The following LRRC7 variants were observed in gnomAD, a reference collection of about 807,000 sequenced individuals.
LRRC7 encodes leucine-rich repeat-containing protein 7.
LRRC7 carries 23 observed loss-of-function variants against 175.7 expected under a neutral mutation model. That is an observed-to-expected ratio of 0.13 (90% CI 0.09 to 0.19). The LOEUF (loss-of-function observed/expected upper bound fraction) is 0.19, where lower values mean the gene tolerates loss of function less well. Among genes scored for constraint, LRRC7 ranks in the 10% least tolerant of loss-of-function variants. The pLI is 1.00. For synonymous variants in LRRC7, 685 were observed against 680.9 expected, an observed-to-expected ratio of 1.01 and a Z score of -0.09; for missense variants, 1,354 against 1,904.7, an observed-to-expected ratio of 0.71 and a Z score of 5.38.
At chr1:70,028,096 T>C in intron 17 of LRRC7, 75 bp from the exon 18 acceptor site, 3 of 1,261,142 alleles carry the variant, frequency 2.4e-6, no homozygotes, top group Non-Finnish European at 3.4e-6. Context: ...TACTACTGAA[T>C]ATAAAATGGG....
At chr1:69,891,063 T>G (rs116626493) in intron 7 of LRRC7, among the ~76,000 whole-genome samples, 2,297 of 152,372 alleles carry the variant, frequency 0.015, 63 homozygotes, top group African/African-American at 0.052. Context: ...GAAGTGGCAC[T>G]TTTGATTTCC....
chr1:69,846,384 A>T (rs1487065572), intron 7 of LRRC7, among the ~76,000 whole-genome samples: 1 of 152,148 alleles, frequency 6.6e-6, no homozygotes, highest in Non-Finnish European at 1.5e-5. Context: ...TTGTATTCAA[A>T]TTGCTCTTTT....
chr1:69,605,770 A>G (rs1647448518), intron 1 of LRRC7, among the ~76,000 whole-genome samples: 2 of 152,112 alleles, frequency 1.3e-5, no homozygotes, highest in Admixed American at 1.3e-4. Flanking sequence ...GCTACAGAAA[A>G]CACACACACA....
At chr1:70,032,020 A>G (rs1658790505) in intron 18 of LRRC7, among the ~76,000 whole-genome samples, 1 of 152,104 alleles carries the variant, frequency 6.6e-6, no homozygotes, top group Admixed American at 6.6e-5. Context: ...GATGGTCTCG[A>G]TCTCCTGACA....
At chr1:69,733,612 T>C (rs1229879842) in intron 2 of LRRC7, among the ~76,000 whole-genome samples, 1 of 152,044 alleles carries the variant, frequency 6.6e-6, no homozygotes, top group Non-Finnish European at 1.5e-5. Context: ...GCCTCTCCTG[T>C]TGTAACTTCA....
intron 17 of LRRC7, among the ~76,000 whole-genome samples, 179 bp downstream of exon 17, chr1:70,023,553 G>T (rs891282887): frequency 1.3e-5 from 2 of 152,042 alleles, no homozygotes; most frequent in Non-Finnish European, 2.9e-5. Context: ...CAATGGGGTG[G>T]GGAGGACTAA....
At chr1:69,791,478 C>T (rs557503987) in intron 3 of LRRC7, among the ~76,000 whole-genome samples, 35 of 152,012 alleles carry the variant, frequency 2.3e-4, no homozygotes, top group African/African-American at 7.2e-4. Context: ...GAAGCAATTA[C>T]GAGTGATTTT....
intron 22 of LRRC7, among the ~76,000 whole-genome samples, chr1:70,052,324 A>G (rs1050375643): frequency 1.3e-5 from 2 of 152,146 alleles, no homozygotes; most frequent in African/African-American, 2.4e-5. Flanking sequence ...AATAATAAGC[A>G]TGAAATCAGC....
chr1:69,670,073 G>C (rs1310852873), intron 1 of LRRC7, among the ~76,000 whole-genome samples: 2 of 151,978 alleles, frequency 1.3e-5, no homozygotes, highest in African/African-American at 4.8e-5. Flanking sequence ...TCCAAAGTTG[G>C]TCTCTAGTGC....
At chr1:69,745,766 TTAAA>T (rs201722797) in intron 2 of LRRC7, among the ~76,000 whole-genome samples, 218 of 149,690 alleles carry the variant, frequency 1.5e-3, no homozygotes, top group African/African-American at 4.6e-3. Context: ...TGGTGCAACC[TTAAA>T]TGAATGACAG....
At chr1:69,594,129 G>C (rs1646747958) in intron 1 of LRRC7, among the ~76,000 whole-genome samples, 1 of 152,016 alleles carries the variant, frequency 6.6e-6, no homozygotes, top group Admixed American at 6.5e-5. Flanking sequence ...AATTTTTACT[G>C]TCCGTATAAC....
chr1:70,095,527 C>G (rs1225346058), intron 25 of LRRC7, among the ~76,000 whole-genome samples: 1 of 152,186 alleles, frequency 6.6e-6, no homozygotes, highest in African/African-American at 2.4e-5. Context: ...TCTTCACACT[C>G]TCCTACAAAT....
At chr1:69,893,517 T>C (rs927689829) in intron 7 of LRRC7, among the ~76,000 whole-genome samples, 13 of 152,250 alleles carry the variant, frequency 8.5e-5, no homozygotes, top group African/African-American at 3.1e-4. Flanking sequence ...ATACATTCTA[T>C]ATTTTTTTCT....
intron 8 of LRRC7, among the ~76,000 whole-genome samples, chr1:69,969,992 C>A (rs2101864839): frequency 6.6e-6 from 1 of 152,176 alleles, no homozygotes; most frequent in South Asian, 2.1e-4. Flanking sequence ...CAAAACCATG[C>A]AAATACATGG....
chr1:69,899,639 A>G (rs1646077533), intron 7 of LRRC7, among the ~76,000 whole-genome samples: 1 of 152,198 alleles, frequency 6.6e-6, no homozygotes, highest in African/African-American at 2.4e-5. Context: ...CTGTGTTCCA[A>G]TAAAACGATT....
At chr1:69,773,802 A>T (rs544557098) in intron 3 of LRRC7, among the ~76,000 whole-genome samples, 1 of 152,312 alleles carries the variant, frequency 6.6e-6, no homozygotes, top group Admixed American at 6.5e-5. Flanking sequence ...TGTTATCTTC[A>T]CTAAATTTAA....
At chr1:69,596,000 AG>A (rs1351585695) in intron 1 of LRRC7, among the ~76,000 whole-genome samples, 1 of 102,538 alleles carries the variant, frequency 9.8e-6, no homozygotes. Flanking sequence ...ATTTGATGTG[AG>A]AATTTAATTA....
chr1:70,014,712 G>A (rs1040131054), intron 13 of LRRC7, among the ~76,000 whole-genome samples: 5 of 151,954 alleles, frequency 3.3e-5, no homozygotes, highest in East Asian at 3.9e-4. Context: ...TATTTAAAAT[G>A]TACTAGATTT....
intron 4 of LRRC7, among the ~76,000 whole-genome samples, chr1:69,815,420 G>T (rs1678468743): frequency 6.6e-6 from 1 of 152,050 alleles, no homozygotes; most frequent in Non-Finnish European, 1.5e-5. Context: ...TCCTCAGAAG[G>T]TTGGCTGTGT....
Sources: gnomAD v4.1 joint callset for allele counts (sites outside exome capture counted in the v4.1 genomes callset) on GRCh38, gnomAD v4.1.1 for gene constraint, MANE v1.5 for transcripts, NCBI Gene and HGNC (gene_info 2026-07-23, HGNC 2026-07-21) for gene names.